CHRNA7: variants seen among roughly 807,000 people sequenced by gnomAD.
CHRNA7 encodes cholinergic receptor nicotinic alpha 7 subunit, also known as neuronal acetylcholine receptor subunit alpha-7.
CHRNA7 carries 17 observed loss-of-function variants against 48.0 expected under a neutral mutation model. That is an observed-to-expected ratio of 0.35 (90% confidence interval 0.24 to 0.53). CHRNA7 has a LOEUF of 0.53. CHRNA7 is among the 20% of genes least tolerant of loss of function. The pLI is 0.92. For synonymous variants in CHRNA7, 75 were observed against 242.3 expected (o/e 0.31, Z 6.41); for missense variants, 155 against 577.7 (o/e 0.27, Z 7.50).
chr15:32,048,327 G>T (rs1172683320), intron 2 of CHRNA7, among the ~76,000 whole-genome samples: 1 of 152,110 alleles, frequency 6.6e-6, no homozygotes, highest in Admixed American at 6.5e-5. Flanking sequence ...GTAAGCTATT[G>T]ATTATTGCCA....
chr15:32,147,818 G>A (rs372157033), intron 4 of CHRNA7, among the ~76,000 whole-genome samples: 1 of 152,146 alleles, frequency 6.6e-6, no homozygotes, highest in Non-Finnish European at 1.5e-5. Context: ...TTATGACAGG[G>A]TGTGTCTCTC....
intron 4 of CHRNA7, among the ~76,000 whole-genome samples, chr15:32,137,047 G>GA (rs1174484623): frequency 8.1e-5 from 10 of 123,526 alleles, no homozygotes; most frequent in East Asian, 5.0e-4. Flanking sequence ...AAAAAAAAAA[G>GA]AAAAAAAAAA....
chr15:32,148,702 T>TG (rs1290015190), intron 4 of CHRNA7, among the ~76,000 whole-genome samples: 2 of 152,210 alleles, frequency 1.3e-5, no homozygotes, highest in African/African-American at 4.8e-5. Flanking sequence ...GAATCCTGCC[T>TG]GGGGGGCCAA....
At chr15:32,151,775 T>TGAAA (rs2051635030) in intron 4 of CHRNA7, among the ~76,000 whole-genome samples, 1 of 152,262 alleles carries the variant, frequency 6.6e-6, no homozygotes, top group Non-Finnish European at 1.5e-5. Context: ...TTTTTCCTTC[T>TGAAA]TTTCATTGAC....
intron 4 of CHRNA7, among the ~76,000 whole-genome samples, chr15:32,129,268 G>A (rs1201730917): frequency 2.0e-5 from 3 of 151,818 alleles, no homozygotes; most frequent in Non-Finnish European, 4.4e-5. Flanking sequence ...TGGTTATGAG[G>A]TTAATAAAAG....
intron 2 of CHRNA7, among the ~76,000 whole-genome samples, chr15:32,040,735 G>GT (rs1188062364): frequency 6.6e-6 from 1 of 151,722 alleles, no homozygotes; most frequent in South Asian, 2.1e-4. Flanking sequence ...AAAAACAAAA[G>GT]TTTTTATTTT....
At chr15:32,070,547 C>T (rs1595411305) in intron 2 of CHRNA7, among the ~76,000 whole-genome samples, 1 of 151,880 alleles carries the variant, frequency 6.6e-6, no homozygotes, top group Non-Finnish European at 1.5e-5. Flanking sequence ...TTTCACTAAG[C>T]CCAGGACCCT....
chr15:32,106,583 T>C (rs1260340675), intron 3 of CHRNA7, among the ~76,000 whole-genome samples: 1 of 152,162 alleles, frequency 6.6e-6, no homozygotes, highest in Non-Finnish European at 1.5e-5. Context: ...TCTCTGCAGA[T>C]TAGTTTTTAT....
chr15:32,070,775 C>T (rs560920270), intron 2 of CHRNA7, among the ~76,000 whole-genome samples: 11 of 147,582 alleles, frequency 7.5e-5, no homozygotes, highest in Admixed American at 1.4e-4. Context: ...CAAACTCTGC[C>T]TCGCGGATTC....
At chr15:32,091,546 C>G (rs1448600196) in intron 2 of CHRNA7, among the ~76,000 whole-genome samples, 3 of 152,066 alleles carry the variant, frequency 2.0e-5, no homozygotes, top group Non-Finnish European at 4.4e-5. Context: ...TAGAGTGTAC[C>G]CTGACCTGGT....
intron 4 of CHRNA7, among the ~76,000 whole-genome samples, chr15:32,114,650 A>C (rs186351126): frequency 6.6e-6 from 1 of 152,392 alleles, no homozygotes; most frequent in East Asian, 1.9e-4. Flanking sequence ...TATGGCCCGC[A>C]GGTCCACATG....
chr15:32,034,735 G>T (rs1902002313), intron 2 of CHRNA7, among the ~76,000 whole-genome samples: 1 of 152,164 alleles, frequency 6.6e-6, no homozygotes, highest in African/African-American at 2.4e-5. Flanking sequence ...TTATAGATTG[G>T]AGTGAAAAAA....
At chr15:32,143,397 G>A (rs1360594119) in intron 4 of CHRNA7, among the ~76,000 whole-genome samples, 1 of 152,174 alleles carries the variant, frequency 6.6e-6, no homozygotes, top group Non-Finnish European at 1.5e-5. Context: ...TGCATATCCT[G>A]TTGATTTGGG....
chr15:32,102,562 A>G (rs560162226), intron 3 of CHRNA7: 2 of 133,148 alleles, frequency 1.5e-5, no homozygotes, highest in East Asian at 2.8e-4. Context: ...TAAGTTTGCT[A>G]TTGTTATTGG....
intron 2 of CHRNA7, among the ~76,000 whole-genome samples, chr15:32,078,624 A>T (rs1252278084): frequency 1.3e-5 from 2 of 149,232 alleles, no homozygotes; most frequent in Non-Finnish European, 3.0e-5. Flanking sequence ...GACCAATGAC[A>T]AGTTCTGAAA....
intron 4 of CHRNA7, among the ~76,000 whole-genome samples, chr15:32,113,751 AT>A (rs1245711908): frequency 6.6e-6 from 1 of 152,128 alleles, no homozygotes; most frequent in Admixed American, 6.5e-5. Flanking sequence ...TTAGAAAAAA[AT>A]AATCAATGTT....
At chr15:32,117,003 G>T (rs2050883608) in intron 4 of CHRNA7, among the ~76,000 whole-genome samples, 1 of 152,180 alleles carries the variant, frequency 6.6e-6, no homozygotes, top group African/African-American at 2.4e-5. Flanking sequence ...AAGCCTGTAA[G>T]CACTCATAAT....
At chr15:32,054,119 G>A (rs554678669) in intron 2 of CHRNA7, among the ~76,000 whole-genome samples, 12 of 152,260 alleles carry the variant, frequency 7.9e-5, no homozygotes, top group African/African-American at 2.9e-4. Context: ...GCACGTGTTA[G>A]GCTAACTCTT....
intron 2 of CHRNA7, among the ~76,000 whole-genome samples, chr15:32,053,646 A>G (rs1385254825): frequency 6.6e-6 from 1 of 152,220 alleles, no homozygotes; most frequent in East Asian, 1.9e-4. Context: ...GGTATCATGT[A>G]CTATGCTAAT....
Sources: allele counts gnomAD v4.1 joint callset (sites outside exome capture counted in the v4.1 genomes callset), GRCh38; gene constraint gnomAD v4.1.1; transcripts MANE v1.5; gene names NCBI Gene and HGNC (gene_info 2026-07-23, HGNC 2026-07-21).